The following CUBN variants were observed in gnomAD, a reference collection of about 807,000 sequenced individuals.
CUBN encodes the protein 460 kDa receptor.
Under a neutral mutation model 405.3 loss-of-function variants are expected in CUBN, and 282 were observed. That is an observed-to-expected ratio of 0.70 (90% CI 0.63 to 0.77). CUBN has a LOEUF of 0.77. CUBN is among the 30% of genes least tolerant of loss of function. The pLI is 0.00. For missense variants in CUBN, 4,514 were observed against 4,475.2 expected (o/e 1.01, Z -0.25); for synonymous variants, 1,684 against 1,617.0 (o/e 1.04, Z -0.99).
intron 11 of CUBN, 50 bp downstream of exon 11, chr10:17,105,407 G>A: frequency 9.5e-7 from 1 of 1,054,478 alleles, no homozygotes. Context: ...TTATAGGCGT[G>A]AAACTAATTC....
intron 52 of CUBN, among the ~76,000 whole-genome samples, chr10:16,901,124 T>C (rs1179618675): frequency 6.6e-6 from 1 of 152,176 alleles, no homozygotes; most frequent in Non-Finnish European, 1.5e-5. Context: ...TGTATATCTT[T>C]CCCTATGCTT....
chr10:17,115,799 A>G (rs1161577008), intron 6 of CUBN, among the ~76,000 whole-genome samples: 3 of 152,248 alleles, frequency 2.0e-5, no homozygotes, highest in Non-Finnish European at 4.4e-5. Context: ...AGTAAATACA[A>G]TGTTGGTGAA....
At chr10:17,055,063 C>G (rs1012158119) in intron 22 of CUBN, among the ~76,000 whole-genome samples, 1 of 151,886 alleles carries the variant, frequency 6.6e-6, no homozygotes, top group Non-Finnish European at 1.5e-5. Context: ...TCTGAATACA[C>G]GTAAAAGTTA....
In CUBN at chr10:17,087,472, C is replaced by CTTT. The variant is rs775573918; in HGVS notation, c.1947+689_1947+691dup. Among the ~76,000 whole-genome samples, 53 of 71,726 alleles carry CTTT rather than the reference C, an allele frequency of 7.4e-4. 2 individuals carry two copies. The highest frequency in any genetic ancestry group is 2.2e-3 in the African/African-American group (46 of 21,132). The allele number at this position is 71,726 out of a possible 152,430, so 47.1% of individuals were successfully genotyped here. A position where few individuals can be genotyped will look rare whatever the true frequency, so the allele number is the denominator to read the frequency against. ...CACAATCACTATTATTTTTCTTTTT[C>CTTT]TTTTTTTTTTTTTTTTTTTTTTAGA... is the stretch of plus-strand genomic sequence containing the variant. On this transcript the variant is annotated intron_variant, in intron 15 of 66. Coordinates refer to ENST00000377833, the MANE Select transcript of CUBN (RefSeq NM_001081.4).
chr10:16,903,677 T>A (rs1035517616), intron 51 of CUBN, among the ~76,000 whole-genome samples: 25 of 147,756 alleles, frequency 1.7e-4, no homozygotes, highest in Non-Finnish European at 2.2e-4. Context: ...TATTATTAAT[T>A]ATTAAATAAT....
intron 52 of CUBN, 119 bp downstream of exon 52, chr10:16,901,219 A>AT (rs926785741): frequency 3.7e-5 from 51 of 1,369,236 alleles, no homozygotes; most frequent in Non-Finnish European, 4.8e-5. Flanking sequence ...CAGTGATCTC[A>AT]TTGTAGAATC....
chr10:16,848,136 A>T (rs1175476943), intron 60 of CUBN, among the ~76,000 whole-genome samples: 1 of 152,186 alleles, frequency 6.6e-6, no homozygotes, highest in Non-Finnish European at 1.5e-5. Context: ...CTTGTTTTTG[A>T]TATTGCAGTT....
intron 41 of CUBN, among the ~76,000 whole-genome samples, chr10:16,926,734 A>C (rs1842198663): frequency 6.6e-6 from 1 of 152,026 alleles, no homozygotes; most frequent in Admixed American, 6.6e-5. Flanking sequence ...GATTATGAGG[A>C]GTGTAGAATT....
chr10:17,025,261 A>T (rs767371302), intron 27 of CUBN, among the ~76,000 whole-genome samples: 7 of 152,206 alleles, frequency 4.6e-5, no homozygotes, highest in Non-Finnish European at 8.8e-5. Flanking sequence ...CAGTTTATAG[A>T]GTGGCATTTT....
At chr10:17,006,505 G>A (rs922319477) in intron 28 of CUBN, among the ~76,000 whole-genome samples, 1 of 152,090 alleles carries the variant, frequency 6.6e-6, no homozygotes, top group Non-Finnish European at 1.5e-5. Context: ...GTCACAAAAG[G>A]AATAAAATTT....
intron 56 of CUBN, among the ~76,000 whole-genome samples, chr10:16,879,645 G>A (rs886911417): frequency 6.6e-6 from 1 of 152,110 alleles, no homozygotes; most frequent in African/African-American, 2.4e-5. Context: ...TTCAAAGGTG[G>A]GTGTGTGACC....
intron 65 of CUBN, 142 bp from the exon 66 acceptor site, chr10:16,829,182 T>A: frequency 1.4e-6 from 1 of 709,474 alleles, no homozygotes; most frequent in South Asian, 1.6e-5. Context: ...TTCCTTTTCC[T>A]CTTCTTTGGG....
rs376566763 is a variant in CUBN, at chr10:16,873,079, A to C, written c.9236+1295T>G. Among the ~76,000 whole-genome samples the C allele has an allele frequency of 3.3e-5, 5 of 152,182 alleles. No homozygotes were observed. The East Asian group carries it at 5.8e-4, about 18-fold the overall frequency. Reference sequence around the variant, plus strand: ...GGGAGTACAGAATCTTTAGGGTAGAAAATGATCACAGACAAATAGAGGGGA... The same window carrying C: ...GGGAGTACAGAATCTTTAGGGTAGACAATGATCACAGACAAATAGAGGGGA... On this transcript the variant is annotated intron_variant, in intron 58 of 66. Transcript: ENST00000377833.
At chr10:17,074,854 T>A (rs190296318) in intron 17 of CUBN, among the ~76,000 whole-genome samples, 212 of 152,256 alleles carry the variant, frequency 1.4e-3, no homozygotes, top group African/African-American at 4.2e-3. Flanking sequence ...ATGTGTCTAG[T>A]GGGGTTAAAT....
At chr10:17,059,118 A>G (rs1485475801) in intron 22 of CUBN, among the ~76,000 whole-genome samples, 2 of 61,924 alleles carry the variant, frequency 3.2e-5, no homozygotes, top group Non-Finnish European at 5.5e-5. Context: ...ACCAACCTCA[A>G]AAAAAAAAAA....
intron 27 of CUBN, among the ~76,000 whole-genome samples, chr10:17,028,871 G>A (rs770692732): frequency 1.1e-4 from 16 of 152,146 alleles, no homozygotes; most frequent in Non-Finnish European, 1.5e-5. Flanking sequence ...AGTCAATATA[G>A]TTAACTGAAA....
intron 62 of CUBN, 102 bp downstream of exon 62, chr10:16,840,228 A>G: frequency 1.8e-6 from 2 of 1,091,676 alleles, no homozygotes; most frequent in Non-Finnish European, 2.8e-6. Context: ...TATAATTAAA[A>G]AAAAGAAAAT....
intron 28 of CUBN, among the ~76,000 whole-genome samples, chr10:17,004,757 C>T (rs534503106): frequency 2.0e-5 from 3 of 151,572 alleles, no homozygotes; most frequent in African/African-American, 7.3e-5. Flanking sequence ...GCAACCTCTG[C>T]CTCCCAGTTT....
At chr10:16,975,123 G>C (rs1833052834) in intron 31 of CUBN, among the ~76,000 whole-genome samples, 1 of 152,176 alleles carries the variant, frequency 6.6e-6, no homozygotes. Flanking sequence ...AGAGTCAACT[G>C]TACTTCATAC....
Sources: allele counts gnomAD v4.1 joint callset (sites outside exome capture counted in the v4.1 genomes callset), GRCh38; gene constraint gnomAD v4.1.1; transcripts MANE v1.5; gene names NCBI Gene and HGNC (gene_info 2026-07-23, HGNC 2026-07-21).